The following CPED1 variants were observed in gnomAD, a reference collection of about 807,000 sequenced individuals.
CPED1 encodes cadherin-like and PC-esterase domain-containing protein 1.
CPED1 carries 114 observed loss-of-function variants against 128.2 expected under a neutral mutation model. That is an observed-to-expected ratio of 0.89 (90% CI 0.76 to 1.04). CPED1 has a LOEUF of 1.04. CPED1 is among the 50% of genes least tolerant of loss of function. The probability of loss-of-function intolerance (pLI) is 0.00; values close to 1 mark genes in which losing one functional copy is unlikely to be tolerated. For synonymous variants in CPED1, 462 were observed against 426.7 expected (o/e 1.08, Z -1.02); for missense variants, 1,211 against 1,207.1 (o/e 1.00, Z -0.05).
intron 16 of CPED1, among the ~76,000 whole-genome samples, chr7:121,228,745 G>A (rs1014126366): frequency 6.6e-6 from 1 of 151,998 alleles, no homozygotes; most frequent in African/African-American, 2.4e-5. Context: ...CAGCATAAGT[G>A]CCTATCAGTG....
chr7:121,275,325 G>A (rs781247569), intron 22 of CPED1, among the ~76,000 whole-genome samples: 3 of 151,960 alleles, frequency 2.0e-5, no homozygotes, highest in Non-Finnish European at 4.4e-5. Context: ...TGACTAACAT[G>A]TTCCTGCTGA....
chr7:121,075,431 G>A (rs1277667293), intron 5 of CPED1, among the ~76,000 whole-genome samples: 1 of 152,006 alleles, frequency 6.6e-6, no homozygotes, highest in East Asian at 1.9e-4. Context: ...TCTCTCTACA[G>A]TGCCATGCAT....
At chr7:121,168,730 G>C (rs7790700) in intron 16 of CPED1, among the ~76,000 whole-genome samples, 15,863 of 151,894 alleles carry the variant, frequency 0.1, 1,391 homozygotes, top group African/African-American at 0.24. Flanking sequence ...CTCCTCCAGC[G>C]CTCCACTACC....
At chr7:121,088,964 G>T (rs964192086) in intron 5 of CPED1, among the ~76,000 whole-genome samples, 1 of 152,068 alleles carries the variant, frequency 6.6e-6, no homozygotes, top group Non-Finnish European at 1.5e-5. Context: ...CTAAGGCTGA[G>T]AATTGAGACA....
chr7:121,141,667 A>G (rs1029063207), intron 15 of CPED1, among the ~76,000 whole-genome samples: 1 of 152,054 alleles, frequency 6.6e-6, no homozygotes, highest in Non-Finnish European at 1.5e-5. Context: ...TATATTTAAA[A>G]TGGGGACAAT....
At chr7:121,196,037 T>G (rs1797263483) in intron 16 of CPED1, among the ~76,000 whole-genome samples, 1 of 151,962 alleles carries the variant, frequency 6.6e-6, no homozygotes, top group African/African-American at 2.4e-5. Context: ...GTCTGCTGCT[T>G]GAGGAGGCCA....
At chr7:120,992,791 T>A (rs1399714428) in intron 2 of CPED1, among the ~76,000 whole-genome samples, 1 of 152,192 alleles carries the variant, frequency 6.6e-6, no homozygotes, top group African/African-American at 2.4e-5. Flanking sequence ...TTGTTGCAGT[T>A]GTATCTATGA....
intron 3 of CPED1, among the ~76,000 whole-genome samples, chr7:121,029,717 C>T (rs141837748): frequency 4.2e-4 from 64 of 152,266 alleles, no homozygotes; most frequent in Non-Finnish European, 7.6e-4. Flanking sequence ...TATAATCGTA[C>T]ATGACATGAT....
chr7:121,220,962 T>G (rs779373246), intron 16 of CPED1, among the ~76,000 whole-genome samples: 5 of 151,358 alleles, frequency 3.3e-5, no homozygotes, highest in Non-Finnish European at 7.4e-5. Context: ...ATATCTTTAC[T>G]CTATATCCAT....
chr7:121,034,707 G>A (rs1453515758), intron 3 of CPED1, among the ~76,000 whole-genome samples: 3 of 152,050 alleles, frequency 2.0e-5, no homozygotes, highest in Non-Finnish European at 2.9e-5. Context: ...GGTGTTTCTC[G>A]AACTTACTTG....
At chr7:121,124,727 C>A (rs546787178) in intron 8 of CPED1, among the ~76,000 whole-genome samples, 1 of 152,230 alleles carries the variant, frequency 6.6e-6, no homozygotes, top group Admixed American at 6.5e-5. Flanking sequence ...CAAAGTTAAT[C>A]TTTTAATTGC....
chr7:121,127,585 G>T (rs1795537739), intron 10 of CPED1, among the ~76,000 whole-genome samples: 1 of 148,956 alleles, frequency 6.7e-6, no homozygotes, highest in South Asian at 2.1e-4. Flanking sequence ...ACCCAGGCAG[G>T]AGTGCAGTGG....
chr7:121,247,226 C>T (rs375732961), intron 18 of CPED1, among the ~76,000 whole-genome samples: 5 of 152,144 alleles, frequency 3.3e-5, no homozygotes, highest in Admixed American at 6.5e-5. Flanking sequence ...TAAAATCCAA[C>T]GCATACCTAC....
intron 4 of CPED1, among the ~76,000 whole-genome samples, chr7:121,049,816 TTC>T (rs1263083316): frequency 1.3e-5 from 2 of 152,192 alleles, no homozygotes; most frequent in African/African-American, 4.8e-5. Flanking sequence ...CAGGGAAAGA[TTC>T]TGTCTCTTCT....
chr7:121,141,048 T>C (rs749312058), intron 15 of CPED1, 35 bp downstream of exon 15: 3 of 1,520,652 alleles, frequency 2.0e-6, no homozygotes. Flanking sequence ...GTTGAGACAC[T>C]ATACTGGGAA....
chr7:121,258,217 T>A (rs1197082442), intron 18 of CPED1, among the ~76,000 whole-genome samples: 2 of 152,098 alleles, frequency 1.3e-5, no homozygotes, highest in East Asian at 3.9e-4. Flanking sequence ...TTCTGAATAC[T>A]TTTTACAACT....
At chr7:121,220,866 TTA>T (rs1797859695) in intron 16 of CPED1, among the ~76,000 whole-genome samples, 1 of 151,984 alleles carries the variant, frequency 6.6e-6, no homozygotes, top group Non-Finnish European at 1.5e-5. Context: ...TACTAACACT[TTA>T]TTTTACTTAA....
intron 4 of CPED1, among the ~76,000 whole-genome samples, chr7:121,063,254 G>A (rs73723409): frequency 6.6e-6 from 1 of 152,038 alleles, no homozygotes; most frequent in Non-Finnish European, 1.5e-5. Context: ...TCAATGCACA[G>A]TTGCCAAGCA....
intron 18 of CPED1, among the ~76,000 whole-genome samples, chr7:121,249,964 A>C (rs1172789521): frequency 6.6e-6 from 1 of 152,210 alleles, no homozygotes; most frequent in African/African-American, 2.4e-5. Context: ...CTCTGCACCA[A>C]GCGGAACTAA....
Sources: allele counts gnomAD v4.1 joint callset (sites outside exome capture counted in the v4.1 genomes callset), GRCh38; gene constraint gnomAD v4.1.1; transcripts MANE v1.5; gene names NCBI Gene and HGNC (gene_info 2026-07-23, HGNC 2026-07-21).